Variants in DOP1B observed in about 807,000 individuals in gnomAD.
DOP1B encodes the protein protein DOP1B.
A neutral mutation model predicts 233.5 loss-of-function variants in DOP1B; 174 were observed. The ratio of observed to expected loss-of-function variants is 0.75; its 90% CI spans 0.66 to 0.85. The LOEUF (loss-of-function observed/expected upper bound fraction) is 0.85. Among genes scored for constraint, DOP1B ranks in the 40% least tolerant of loss-of-function variants. DOP1B has a pLI of 0.00. For missense variants in DOP1B, 2,652 were observed against 2,846.6 expected (o/e 0.93, Z 1.56); for synonymous variants, 1,190 against 1,185.6 (o/e 1.00, Z -0.08).
At chr21:36,168,417 G>A (rs1374206538) in intron 2 of DOP1B, among the ~76,000 whole-genome samples, 1 of 152,108 alleles carries the variant, frequency 6.6e-6, no homozygotes, top group Non-Finnish European at 1.5e-5. Flanking sequence ...GAAACGCTAT[G>A]TTTAACTTAC....
At chr21:36,257,735 TGTAGGTAGGTAGGTAGATGTAG>T (rs2067120601) in intron 23 of DOP1B, among the ~76,000 whole-genome samples, 1 of 128,664 alleles carries the variant, frequency 7.8e-6, no homozygotes, top group South Asian at 2.6e-4. Context: ...GGTAGATAGA[TGTAGGTAGGTAGGTAGATGTAG>T]GTAGGTAGGT....
chr21:36,277,978 C>T lies in DOP1B; in HGVS notation c.5716C>T (p.Leu1906=). The T allele has an allele frequency of 1.9e-6, 3 of 1,613,874 alleles. No homozygotes were observed. Among genetic ancestry groups the T allele is most frequent in the Non-Finnish European group, 2.5e-6 (3 of 1,179,812 alleles). The change falls in exon 29 of 37, where the codon CTG becomes TTG. Residue 1906 remains leucine, a synonymous_variant. Coordinates refer to ENST00000691173, the MANE Select transcript of DOP1B (RefSeq NM_001320714.2). ...VQALSLLAEV[L]ASLLDMVYRS... is the part of the protein sequence containing the mutation. ...TCTTAGGGCCTTGTTCTTTTAGGTA[C>T]TGGCTTCCCTCCTGGACATGGTTTA...
intron 7 of DOP1B, 93 bp downstream of exon 7, chr21:36,212,190 C>G (rs1477969763): frequency 7.2e-7 from 1 of 1,387,184 alleles, no homozygotes; most frequent in Admixed American, 2.6e-5. Flanking sequence ...GGTGATGTAT[C>G]TCTGAATCAT....
chr21:36,227,908 G>T, intron 13 of DOP1B, 31 bp downstream of exon 13: 1 of 1,528,614 alleles, frequency 6.5e-7, no homozygotes, highest in African/African-American at 1.4e-5. Context: ...AAATGGTTCT[G>T]GGGGCTAAAA....
intron 10 of DOP1B, among the ~76,000 whole-genome samples, chr21:36,221,571 A>G (rs954013985): frequency 2.0e-5 from 3 of 151,528 alleles, no homozygotes; most frequent in Admixed American, 2.0e-4. Context: ...CTGCTTTTTC[A>G]GTTTTGTTTG....
Position 36,199,193 on chromosome 21 carries a change from G to C in DOP1B, c.262G>C (p.Glu88Gln), listed in dbSNP as rs1484298229. Reference protein sequence around the residue: ...GVHLKALETYEIIFKIVGTKW... With the variant: ...GVHLKALETYQIIFKIVGTKW... ...CCACTTAAAAGCTCTGGAAACCTAC[G>C]AGATTATCTTTAAAATCGTGGGGAC... Residue 88 changes from glutamate to glutamine, a missense_variant, in exon 3 of 37, where the codon GAG (glutamate) becomes CAG (glutamine). Transcript: ENST00000691173. 1 of 1,614,128 alleles carries C rather than the reference G, an allele frequency of 6.2e-7. No individual in the cohort carries two copies.
chr21:36,256,866 G>A (rs1413375610), intron 23 of DOP1B, among the ~76,000 whole-genome samples: 1 of 152,102 alleles, frequency 6.6e-6, no homozygotes, highest in African/African-American at 2.4e-5. Context: ...CAGCAAGCAA[G>A]CAATTGATTC....
intron 10 of DOP1B, among the ~76,000 whole-genome samples, chr21:36,221,711 G>C (rs543515236): frequency 8.6e-5 from 13 of 152,032 alleles, no homozygotes; most frequent in African/African-American, 3.1e-4. Flanking sequence ...GAGTAGCTAG[G>C]ATTACAGGCA....
Position 36,246,031 on chromosome 21 carries a change from G to A in DOP1B, c.4051G>A (p.Val1351Ile). ...NRDVQVKSVE[V>I]LIRIMMQLVS... ...GGACGTGCAGGTCAAAAGTGTCGAG[G>A]TTTTGATCAGGATAATGATGCAGCT... The change falls in exon 19 of 37, where the codon GTT becomes ATT. Residue 1351 changes from valine (V) to isoleucine (I), a missense_variant. Physicochemically the swap from Val to Ile is conservative, Grantham distance 29. This residue lies in a region of DOP1B where 2,617 missense variants were observed against 2,794.3 expected (regional missense o/e 0.94). Transcript: ENST00000691173. This position sits in a 1 kb window ranked among gnomAD's most constrained non-coding sequence, Gnocchi z 5.1. 1 of 1,614,034 alleles carries A rather than the reference G, an allele frequency of 6.2e-7. No homozygotes were observed. The highest frequency in any genetic ancestry group is 8.5e-7 in the Non-Finnish European group (1 of 1,180,016).
In DOP1B at chr21:36,239,856, G is replaced by A. The variant is rs748499096; in HGVS notation, c.2968G>A (p.Gly990Arg). The change falls in exon 18 of 37, where the codon GGG (glycine) becomes AGG (arginine). Residue 990 changes from glycine (G) to arginine (R), a missense_variant. Coordinates refer to ENST00000691173, the MANE Select transcript of DOP1B (RefSeq NM_001320714.2). Reference protein sequence around the residue: ...QGWLVRALSLGDVARILEPVL... With the variant: ...QGWLVRALSLRDVARILEPVL... ...CTGGCTGGTGCGTGCGCTCTCCCTC[G>A]GGGACGTGGCTCGCATCCTCGAACC... 1.5e-5 allele frequency: 24 copies of A among 1,593,726 alleles called. No individual in the cohort carries two copies. The highest frequency in any genetic ancestry group is 6.7e-5 in the African/African-American group (5 of 74,388).
chr21:36,271,488 T>A (rs1402634629), intron 27 of DOP1B, among the ~76,000 whole-genome samples: 1 of 152,018 alleles, frequency 6.6e-6, no homozygotes, highest in Non-Finnish European at 1.5e-5. Context: ...GCCAGGCTGG[T>A]CTCAAACTCT....
intron 24 of DOP1B, chr21:36,261,883 G>C (rs2123639089): frequency 1.2e-6 from 1 of 837,486 alleles, no homozygotes; most frequent in East Asian, 1.2e-4. Context: ...TGCACTCCAG[G>C]CTGGGGGACA....
chr21:36,276,840 C>CAAAAA (rs57389991), intron 27 of DOP1B, among the ~76,000 whole-genome samples, 181 bp from the exon 28 acceptor site: 1 of 106,256 alleles, frequency 9.4e-6, no homozygotes. Context: ...GACTCCATCT[C>CAAAAA]AAAAAAAAAA....
rs1569051890 is a variant in DOP1B, at chr21:36,251,225, A to G, written c.5062A>G (p.Thr1688Ala). The G allele has an allele frequency of 6.2e-7, 1 of 1,614,104 alleles. No homozygotes were observed. The highest frequency in any genetic ancestry group is 8.5e-7 in the Non-Finnish European group (1 of 1,180,012). Reference protein sequence around the residue: ...PLTAHLGVQLTAAVAAVWSRK... With the variant: ...PLTAHLGVQLAAAVAAVWSRK... Reference sequence around the variant, plus strand: ...GACGGCCCATCTTGGGGTTCAGTTGACAGCGGCTGTTGCGGCAGTGTGGAG... The same window carrying G: ...GACGGCCCATCTTGGGGTTCAGTTGGCAGCGGCTGTTGCGGCAGTGTGGAG... Residue 1688 changes from threonine to alanine, a missense_variant, in exon 22 of 37, where the codon ACA becomes GCA. Physicochemically the swap from Thr to Ala is moderately conservative, Grantham distance 58. Coordinates refer to ENST00000691173, the MANE Select transcript of DOP1B (RefSeq NM_001320714.2).
chr21:36,200,762 G>A (rs1325355801), intron 4 of DOP1B, among the ~76,000 whole-genome samples: 1 of 151,762 alleles, frequency 6.6e-6, no homozygotes, highest in African/African-American at 2.4e-5. Flanking sequence ...AGAATGGCGT[G>A]AACCTGGGAG....
chr21:36,219,399 T>C lies in DOP1B; in HGVS notation c.1157T>C (p.Leu386Pro). The C allele has an allele frequency of 1.2e-6, 2 of 1,614,226 alleles. No homozygotes were observed. The highest frequency in any genetic ancestry group is 1.7e-6 in the Non-Finnish European group (2 of 1,180,048). Residue 386 changes from leucine to proline, a missense_variant, in exon 10 of 37, where the codon CTC becomes CCC. By Grantham distance (98) the Leu-to-Pro change is moderately conservative (BLOSUM62 -3). Transcript: ENST00000691173. ...CCTCAAGTGGTTGGGAATTTGTTTC[T>C]CGAAGTCATCAGGGCCTTTTATTCT... ...IGPQVVGNLF[L>P]EVIRAFYSYC...
Position 36,292,141 on chromosome 21 carries a change from G to A in DOP1B, c.6553G>A (p.Gly2185Ser). 6.2e-7 allele frequency: 1 copy of A among 1,611,816 alleles called. No homozygotes were observed. ...ATTTATTCCAGAAGTGGACACAGAG[G>A]GCCCTGCCTTCCTGTCGGATGTAGA... ...WAFIPEVDTE[G>S]PAFLSDVEEN... Residue 2185 changes from glycine to serine, a missense_variant, in exon 36 of 37, where the codon GGC (glycine) becomes AGC (serine). Coordinates refer to ENST00000691173, the MANE Select transcript of DOP1B (RefSeq NM_001320714.2).
intron 27 of DOP1B, among the ~76,000 whole-genome samples, 165 bp from the exon 28 acceptor site, chr21:36,276,856 A>G (rs900822319): frequency 1.3e-4 from 19 of 150,930 alleles, no homozygotes; most frequent in Non-Finnish European, 8.9e-5. Context: ...AAAAAAAAAA[A>G]AAAGAAAAAG....
intron 26 of DOP1B, 146 bp from the exon 27 acceptor site, chr21:36,269,867 T>G (rs1413653702): frequency 3.8e-6 from 3 of 789,908 alleles, no homozygotes; most frequent in Admixed American, 2.4e-5. Flanking sequence ...ATTTTTACCT[T>G]CAATGTGGCT....
Sources: allele counts gnomAD v4.1 joint callset (sites outside exome capture counted in the v4.1 genomes callset), GRCh38; gene constraint gnomAD v4.1.1; regional missense constraint gnomAD v4.1.1; non-coding constraint Gnocchi (gnomAD v3.1); transcripts MANE v1.5; gene names NCBI Gene and HGNC (gene_info 2026-07-23, HGNC 2026-07-21).